Variants in FBP1 observed in about 807,000 individuals in gnomAD.
FBP1 encodes the protein fructose-bisphosphatase 1.
FBP1 carries 22 observed loss-of-function variants against 29.9 expected under a neutral mutation model. The ratio of observed to expected loss-of-function variants is 0.74; its 90% CI spans 0.53 to 1.05. FBP1 has a LOEUF of 1.05. FBP1 is among the 50% of genes least tolerant of loss of function. The pLI is 0.00. For missense variants in FBP1, 345 were observed against 448.2 expected (o/e 0.77, Z 2.08); for synonymous variants, 175 against 178.6 (o/e 0.98, Z 0.16).
chr9:94,606,683 G>A (rs1827704776), intron 5 of FBP1, 132 bp downstream of exon 5: 3 of 836,608 alleles, frequency 3.6e-6, no homozygotes, highest in East Asian at 5.3e-5. Context: ...CACTGCTCAG[G>A]AGCCCCACAT....
Position 94,606,856 on chromosome 9 carries a change from G to A in FBP1, c.664C>T (p.Pro222Ser), listed in dbSNP as rs1373961798. 9.9e-6 allele frequency: 16 copies of A among 1,613,850 alleles called. No individual in the cohort carries two copies. The Admixed American group carries it at 2.7e-4, about 27-fold the overall frequency. The change falls in exon 5 of 7, where the codon CCT becomes TCT. Residue 222 changes from proline (P) to serine (S), a missense_variant. Coordinates refer to ENST00000375326, the MANE Select transcript of FBP1 (RefSeq NM_000507.4). ...LNEGYARDFD[P>S]AVTEYIQRKK... Reference sequence around the variant, plus strand: ...CTCTGGATGTACTCAGTGACGGCAGGGTCAAAGTCCCTGGCGTAGCCCTCG... The same window carrying A: ...CTCTGGATGTACTCAGTGACGGCAGAGTCAAAGTCCCTGGCGTAGCCCTCG...
At chr9:94,625,466 G>A (rs527976212) in intron 1 of FBP1, among the ~76,000 whole-genome samples, 2 of 151,916 alleles carry the variant, frequency 1.3e-5, no homozygotes, top group South Asian at 2.1e-4. Flanking sequence ...GGGGCTGCCC[G>A]CATCCACCAA....
At chr9:94,610,558 C>T (rs1407862280) in intron 3 of FBP1, among the ~76,000 whole-genome samples, 1 of 152,206 alleles carries the variant, frequency 6.6e-6, no homozygotes, top group Non-Finnish European at 1.5e-5. Context: ...GGGAAATTCT[C>T]AGAAACGTAG....
At chr9:94,610,163 G>A in intron 3 of FBP1, 102 bp from the exon 4 acceptor site, 1 of 1,183,278 alleles carries the variant, frequency 8.5e-7, no homozygotes, top group Non-Finnish European at 1.2e-6. Flanking sequence ...CTCTTCTAAT[G>A]AAATAGGGCA....
At chr9:94,624,409 T>C (rs186958357) in intron 1 of FBP1, among the ~76,000 whole-genome samples, 1 of 151,310 alleles carries the variant, frequency 6.6e-6, no homozygotes, top group East Asian at 2.0e-4. Context: ...TCCCAGCACT[T>C]TGGGAGGCCA....
intron 3 of FBP1, among the ~76,000 whole-genome samples, chr9:94,614,912 ATTT>A: frequency 6.6e-6 from 1 of 151,804 alleles, no homozygotes; most frequent in African/African-American, 2.4e-5. Context: ...TAATTAATTT[ATTT>A]ATTTATTTTT....
At chr9:94,629,927 T>C (rs1828078216) in intron 1 of FBP1, among the ~76,000 whole-genome samples, 1 of 152,198 alleles carries the variant, frequency 6.6e-6, no homozygotes, top group African/African-American at 2.4e-5. Flanking sequence ...TGGGCCATCC[T>C]GAGGATGGCA....
At chr9:94,606,650 A>G (rs1447201438) in intron 5 of FBP1, among the ~76,000 whole-genome samples, 165 bp downstream of exon 5, 1 of 152,138 alleles carries the variant, frequency 6.6e-6, no homozygotes, top group Non-Finnish European at 1.5e-5. Context: ...CTTTAGGGTA[A>G]GTCATCAACC....
intron 4 of FBP1, among the ~76,000 whole-genome samples, chr9:94,609,516 G>T (rs1827751347): frequency 6.6e-6 from 1 of 152,192 alleles, no homozygotes; most frequent in African/African-American, 2.4e-5. Flanking sequence ...AGAAGCCTTG[G>T]CAAGGCGGGC....
At chr9:94,638,000 C>A (rs1187649036) in intron 1 of FBP1, among the ~76,000 whole-genome samples, 1 of 150,816 alleles carries the variant, frequency 6.6e-6, no homozygotes, top group South Asian at 2.1e-4. Flanking sequence ...GCAGGAGAAT[C>A]GCTTGAACCT....
intron 1 of FBP1, among the ~76,000 whole-genome samples, chr9:94,634,398 C>T (rs915335994): frequency 3.3e-5 from 5 of 152,002 alleles, no homozygotes; most frequent in African/African-American, 1.2e-4. Context: ...GTGTTGTTCT[C>T]GTCTTCTGGA....
intron 3 of FBP1, among the ~76,000 whole-genome samples, chr9:94,613,949 C>G (rs552326281): frequency 3.4e-5 from 5 of 145,198 alleles, no homozygotes; most frequent in Non-Finnish European, 6.1e-5. Context: ...AGCGTGGTGG[C>G]GGGCGCCTGT....
chr9:94,621,213 C>CA (rs57221045), intron 1 of FBP1, among the ~76,000 whole-genome samples: 9 of 43,980 alleles, frequency 2.0e-4, no homozygotes, highest in Non-Finnish European at 2.8e-4. Flanking sequence ...GACTCCGTCT[C>CA]AAAAAAAAAA....
intron 1 of FBP1, among the ~76,000 whole-genome samples, chr9:94,627,894 A>G (rs1177385360): frequency 1.3e-5 from 2 of 152,206 alleles, no homozygotes; most frequent in Non-Finnish European, 2.9e-5. Context: ...TGGCCAAGAC[A>G]TGGGCTGAAC....
At chr9:94,626,357 C>T (rs1487843172) in intron 1 of FBP1, among the ~76,000 whole-genome samples, 1 of 152,148 alleles carries the variant, frequency 6.6e-6, no homozygotes, top group Non-Finnish European at 1.5e-5. Flanking sequence ...GAATAAATTC[C>T]CCCGGCTGCC....
intron 2 of FBP1, among the ~76,000 whole-genome samples, chr9:94,618,125 T>C (rs912059597): frequency 2.6e-5 from 4 of 152,170 alleles, no homozygotes; most frequent in African/African-American, 4.8e-5. Context: ...ATTTCCTATA[T>C]TGTTGATATA....
At chr9:94,618,225 T>C (rs1827891982) in intron 2 of FBP1, among the ~76,000 whole-genome samples, 1 of 151,866 alleles carries the variant, frequency 6.6e-6, no homozygotes, top group African/African-American at 2.4e-5. Context: ...AGGAAAAAAA[T>C]AATTCCTTAG....
intron 2 of FBP1, among the ~76,000 whole-genome samples, chr9:94,618,413 G>GAGT (rs1827894425): frequency 7.5e-6 from 1 of 133,428 alleles, no homozygotes; most frequent in Non-Finnish European, 1.5e-5. Flanking sequence ...TTGAGCCCAG[G>GAGT]AGTTTGAGAC....
At chr9:94,615,145 T>C (rs955645419) in intron 3 of FBP1, among the ~76,000 whole-genome samples, 1 of 152,174 alleles carries the variant, frequency 6.6e-6, no homozygotes, top group Non-Finnish European at 1.5e-5. Context: ...CCTGACCTCG[T>C]GATCCGCCCG....
Sources: gnomAD v4.1 joint callset for allele counts (sites outside exome capture counted in the v4.1 genomes callset) on GRCh38, gnomAD v4.1.1 for gene constraint, MANE v1.5 for transcripts, NCBI Gene and HGNC (gene_info 2026-07-23, HGNC 2026-07-21) for gene names.